The following SEM1 variants were observed in gnomAD, a reference collection of about 807,000 sequenced individuals.
SEM1 encodes SEM1 26S proteasome subunit.
Under a neutral mutation model 12.7 loss-of-function variants are expected in SEM1, and 3 were observed. The ratio of observed to expected loss-of-function variants is 0.24; its 90% CI spans 0.11 to 0.61. The LOEUF (loss-of-function observed/expected upper bound fraction) is 0.61, where lower values mean the gene tolerates loss of function less well. SEM1 is among the 20% of genes least tolerant of loss of function. The pLI, the probability that SEM1 is intolerant of heterozygous loss-of-function variation, is 0.88. For missense variants in SEM1, 59 were observed against 81.3 expected, an observed-to-expected ratio of 0.73 and a Z score of 1.06; for synonymous variants, 30 against 27.8, an observed-to-expected ratio of 1.08 and a Z score of -0.25.
rs1424324530 is a variant in SEM1, at chr7:96,673,700, T to C, written c.*60A>G. 1.1e-5 allele frequency: 8 copies of C among 758,956 alleles called. No individual in the cohort carries two copies. In the African/African-American group the frequency reaches 1.2e-4, roughly 11 times the overall value. 47.0% of individuals were successfully genotyped at this position (758,956 alleles called of 1,614,324 possible). A position where few individuals can be genotyped will look rare whatever the true frequency, so the allele number is the denominator to read the frequency against. On this transcript the variant is annotated 3_prime_UTR_variant, in exon 3 of 3. Transcript: ENST00000413065. ...GTGCTCAATAATAGCTCTCCAATCCTGTGCATCCCAGCTCTTTACATTTAG... is the reference window on the plus strand; with the variant it reads ...GTGCTCAATAATAGCTCTCCAATCCCGTGCATCCCAGCTCTTTACATTTAG...
chr7:96,556,506 T>C (rs1408880585), intron 2 of SEM1, among the ~76,000 whole-genome samples: 4 of 152,212 alleles, frequency 2.6e-5, no homozygotes, highest in Non-Finnish European at 5.9e-5. Flanking sequence ...TTTAAGAATG[T>C]TGAATATTGG....
intron 2 of SEM1, chr7:96,645,874 G>A (rs1563095919): frequency 1.3e-5 from 5 of 398,452 alleles, no homozygotes; most frequent in Non-Finnish European, 2.2e-5. Flanking sequence ...GGGAATGGAG[G>A]TGGGCATCTT....
chr7:96,541,302 G>A (rs1052840813), intron 2 of SEM1, among the ~76,000 whole-genome samples: 6 of 151,572 alleles, frequency 4.0e-5, no homozygotes, highest in African/African-American at 1.5e-4. Flanking sequence ...GTGCAGTGAT[G>A]TCTCTTAGTG....
At chr7:96,570,903 A>G (rs1195871592) in intron 2 of SEM1, among the ~76,000 whole-genome samples, 6 of 150,780 alleles carry the variant, frequency 4.0e-5, no homozygotes, top group Non-Finnish European at 7.4e-5. Context: ...TCTAACTGGC[A>G]TGAGATGGTA....
At chr7:96,541,944 C>CTTTTTT (rs34050482) in intron 2 of SEM1, among the ~76,000 whole-genome samples, 1 of 92,436 alleles carries the variant, frequency 1.1e-5, no homozygotes. Context: ...GCCTATGTGT[C>CTTTTTT]TTTTTTTTTT....
At chr7:96,550,194 T>G (rs1805226301) in intron 2 of SEM1, among the ~76,000 whole-genome samples, 2 of 152,174 alleles carry the variant, frequency 1.3e-5, no homozygotes, top group Non-Finnish European at 2.9e-5. Context: ...TGTAATACAA[T>G]TCTTTAAAAT....
intron 2 of SEM1, 103 bp from the exon 3 acceptor site, chr7:96,689,069 T>C (rs979182084): frequency 6.0e-6 from 4 of 666,300 alleles, no homozygotes; most frequent in Admixed American, 2.7e-5. Flanking sequence ...GCCTGAGACA[T>C]CAATTTACAA....
At chr7:96,542,976 G>C (rs569181361) in intron 2 of SEM1, among the ~76,000 whole-genome samples, 2 of 151,876 alleles carry the variant, frequency 1.3e-5, no homozygotes, top group African/African-American at 4.8e-5. Flanking sequence ...TAATTTTTAT[G>C]TTGGGATGTT....
intron 2 of SEM1, among the ~76,000 whole-genome samples, chr7:96,659,800 G>C (rs1195261493): frequency 6.6e-6 from 1 of 150,640 alleles, no homozygotes; most frequent in African/African-American, 2.4e-5. Context: ...AACTAATAGA[G>C]GGAAAAATGG....
At chr7:96,659,926 A>C (rs73708378) in intron 2 of SEM1, among the ~76,000 whole-genome samples, 4 of 147,580 alleles carry the variant, frequency 2.7e-5, no homozygotes, top group East Asian at 1.9e-4. Flanking sequence ...AAAAAAAAAA[A>C]AAAACAAAAA....
At chr7:96,623,414 TTTC>T (rs946734667) in intron 2 of SEM1, among the ~76,000 whole-genome samples, 21 of 149,424 alleles carry the variant, frequency 1.4e-4, no homozygotes, top group East Asian at 3.9e-4. Context: ...TCTTCTTCTT[TTTC>T]TTCTTCTTCT....
intron 2 of SEM1, among the ~76,000 whole-genome samples, chr7:96,598,004 G>A (rs1194403173): frequency 1.3e-5 from 2 of 151,936 alleles, no homozygotes; most frequent in Non-Finnish European, 2.9e-5. Flanking sequence ...ATTTATCTCA[G>A]TACATGGTTT....
intron 2 of SEM1, among the ~76,000 whole-genome samples, chr7:96,603,035 T>C (rs1415002439): frequency 6.6e-6 from 1 of 152,166 alleles, no homozygotes; most frequent in African/African-American, 2.4e-5. Context: ...TAAAAATGTG[T>C]ATTAATTGGA....
intron 2 of SEM1, among the ~76,000 whole-genome samples, chr7:96,677,589 T>C (rs1300239041): frequency 6.6e-6 from 1 of 152,108 alleles, no homozygotes; most frequent in African/African-American, 2.4e-5. Context: ...CATCATGAGA[T>C]TGAAGAGCTG....
chr7:96,617,492 A>G (rs371584438), intron 2 of SEM1, among the ~76,000 whole-genome samples: 67 of 152,258 alleles, frequency 4.4e-4, no homozygotes, highest in African/African-American at 1.5e-3. Context: ...AAACAGGGAT[A>G]ATTTGACTTC....
downstream of SEM1, among the ~76,000 whole-genome samples, chr7:96,618,021 C>G (rs182556002): frequency 6.6e-6 from 1 of 152,258 alleles, no homozygotes; most frequent in East Asian, 1.9e-4. Context: ...GTTTTGGTAT[C>G]AGGGTGACAT....
intron 2 of SEM1, among the ~76,000 whole-genome samples, chr7:96,543,679 A>G (rs1029298687): frequency 4.6e-5 from 7 of 152,010 alleles, no homozygotes; most frequent in African/African-American, 1.4e-4. Context: ...CCTAGCTCCC[A>G]TATTCTGGAT....
chr7:96,684,624 A>G (rs1299831092), downstream of SEM1, among the ~76,000 whole-genome samples: 3 of 152,142 alleles, frequency 2.0e-5, no homozygotes, highest in African/African-American at 7.2e-5. Context: ...AGAAGATTCA[A>G]TAAGTTTCTA....
intron 2 of SEM1, among the ~76,000 whole-genome samples, chr7:96,538,897 C>A (rs1804868376): frequency 6.6e-6 from 1 of 151,812 alleles, no homozygotes; most frequent in Non-Finnish European, 1.5e-5. Flanking sequence ...ACAATGATTA[C>A]TCCTCTTTTC....
Sources: allele counts gnomAD v4.1 joint callset (sites outside exome capture counted in the v4.1 genomes callset), GRCh38; gene constraint gnomAD v4.1.1; transcripts MANE v1.5; gene names NCBI Gene and HGNC (gene_info 2026-07-23, HGNC 2026-07-21).